Variants in RAB3C observed in about 807,000 individuals in gnomAD.
RAB3C encodes ras-related protein Rab-3C.
In RAB3C, 17 loss-of-function variants were observed where a neutral mutation model predicts 26.4. The observed-to-expected ratio is 0.64, with a 90% CI of 0.44 to 0.97. The LOEUF is 0.97. RAB3C is among the 50% of genes least tolerant of loss of function. The pLI is 0.00. For synonymous variants in RAB3C, 91 were observed against 95.9 expected, an observed-to-expected ratio of 0.95 and a Z score of 0.30; for missense variants, 242 against 281.9, an observed-to-expected ratio of 0.86 and a Z score of 1.01.
intron 1 of RAB3C, among the ~76,000 whole-genome samples, chr5:58,591,918 G>A (rs189379876): frequency 5.7e-4 from 67 of 117,022 alleles, no homozygotes; most frequent in African/African-American, 2.1e-3. Flanking sequence ...TTTTTTTCGA[G>A]ATGGAGTTTT....
intron 2 of RAB3C, among the ~76,000 whole-genome samples, chr5:58,710,962 T>C (rs1749047268): frequency 6.6e-6 from 1 of 152,210 alleles, no homozygotes; most frequent in African/African-American, 2.4e-5. Flanking sequence ...TGCTTTAATC[T>C]TGGAACACTC....
chr5:58,673,447 TACACACACACACACAC>T (rs71604758), intron 2 of RAB3C, among the ~76,000 whole-genome samples: 30 of 146,040 alleles, frequency 2.1e-4, no homozygotes, highest in African/African-American at 5.1e-4. Context: ...GAACTAGTTA[TACACACACACACACAC>T]ACACACACAC....
intron 3 of RAB3C, among the ~76,000 whole-genome samples, chr5:58,793,068 C>T (rs1742564807): frequency 6.6e-6 from 1 of 151,834 alleles, no homozygotes. Flanking sequence ...GAGGGAGAAC[C>T]CTGTCACAAA....
intron 4 of RAB3C, among the ~76,000 whole-genome samples, chr5:58,834,322 A>G (rs933221137): frequency 1.3e-5 from 2 of 152,206 alleles, no homozygotes; most frequent in African/African-American, 4.8e-5. Context: ...CAGACCTGCA[A>G]TGTTGCCTCC....
intron 2 of RAB3C, among the ~76,000 whole-genome samples, chr5:58,673,216 A>G (rs1038102405): frequency 3.9e-5 from 6 of 152,172 alleles, no homozygotes; most frequent in Admixed American, 6.6e-5. Flanking sequence ...AACATGTTCT[A>G]TGGGTTCCCT....
chr5:58,655,545 G>A (rs1401142906), intron 2 of RAB3C, among the ~76,000 whole-genome samples: 1 of 152,162 alleles, frequency 6.6e-6, no homozygotes, highest in Non-Finnish European at 1.5e-5. Flanking sequence ...AGGTCATTAT[G>A]AAAGGTAAAG....
intron 3 of RAB3C, among the ~76,000 whole-genome samples, chr5:58,811,552 G>C (rs565234127): frequency 2.2e-4 from 33 of 152,236 alleles, no homozygotes; most frequent in Non-Finnish European, 4.1e-4. Flanking sequence ...GCCTAGGAAA[G>C]GGACAACAGT....
intron 2 of RAB3C, among the ~76,000 whole-genome samples, chr5:58,671,540 T>TA (rs111669699): frequency 6.6e-6 from 1 of 151,620 alleles, no homozygotes. Context: ...ACTGGAACCA[T>TA]AAAAAAAAAT....
intron 3 of RAB3C, among the ~76,000 whole-genome samples, chr5:58,782,128 G>C (rs114863858): frequency 6.6e-6 from 1 of 152,064 alleles, no homozygotes; most frequent in African/African-American, 2.4e-5. Flanking sequence ...AAGATGTAAG[G>C]TCAATAAAGC....
chr5:58,811,154 G>A (rs1743078536), intron 3 of RAB3C, among the ~76,000 whole-genome samples: 2 of 152,184 alleles, frequency 1.3e-5, no homozygotes. Flanking sequence ...CCCATTACAG[G>A]ATGCATTATT....
chr5:58,686,588 G>A (rs1208426370), intron 2 of RAB3C, among the ~76,000 whole-genome samples: 2 of 151,784 alleles, frequency 1.3e-5, no homozygotes, highest in Admixed American at 6.6e-5. Context: ...TGTGAGTCCT[G>A]TTGCTGTCTG....
At chr5:58,598,530 T>G (rs1746376498) in intron 1 of RAB3C, among the ~76,000 whole-genome samples, 1 of 152,086 alleles carries the variant, frequency 6.6e-6, no homozygotes, top group South Asian at 2.1e-4. Context: ...CCACTTGCTC[T>G]TAAGGATTTC....
chr5:58,734,742 T>C (rs998354430), intron 3 of RAB3C, among the ~76,000 whole-genome samples: 1 of 152,202 alleles, frequency 6.6e-6, no homozygotes, highest in African/African-American at 2.4e-5. Context: ...CTTCTCATTT[T>C]CTCAGACTGC....
Position 58,677,605 on chromosome 5 carries a change from A to G in RAB3C, c.253-48397A>G, listed in dbSNP as rs573247098. On this transcript the variant is annotated intron_variant, in intron 2 of 4. Coordinates refer to ENST00000282878, the MANE Select transcript of RAB3C (RefSeq NM_138453.4). ...GCAAAATGATTGATACCCAATAAAT[A>G]AATATAAAAATATTGACACCAATGC... 4.7e-5 allele frequency among the ~76,000 whole-genome samples: 7 copies of G among 150,182 alleles called. No individual in the cohort carries two copies. The South Asian group carries it at 1.1e-3, about 23-fold the overall frequency.
At chr5:58,827,775 C>T (rs1215384219) in intron 4 of RAB3C, among the ~76,000 whole-genome samples, 1 of 152,196 alleles carries the variant, frequency 6.6e-6, no homozygotes, top group East Asian at 1.9e-4. Context: ...GTGGCTTGTT[C>T]TCCTCATGGC....
At chr5:58,837,017 C>A (rs555362060) in intron 4 of RAB3C, among the ~76,000 whole-genome samples, 1 of 152,034 alleles carries the variant, frequency 6.6e-6, no homozygotes, top group African/African-American at 2.4e-5. Context: ...TAAGAGTTTT[C>A]TTTTCTCTGC....
At position 58,854,988 on chromosome 5, in the gene RAB3C, A is replaced by G. The variant is rs142192672; in HGVS notation, c.*3637A>G. The G allele has an allele frequency of 2.0e-3, 297 of 152,282 alleles. No homozygotes were observed. The highest frequency in any genetic ancestry group is 6.8e-3 in the African/African-American group (282 of 41,566). The allele number at this position is 152,282 out of a possible 1,614,324, so 9.4% of individuals were successfully genotyped here. ...GACGATAGACTTTCGGGTATATACAACCTTCTTCTTCTCTTTTAAAAGTTA... is the reference window on the plus strand; with the variant it reads ...GACGATAGACTTTCGGGTATATACAGCCTTCTTCTTCTCTTTTAAAAGTTA... On this transcript the variant is annotated 3_prime_UTR_variant, in exon 5 of 5. Transcript: ENST00000282878.
At chr5:58,776,204 A>T (rs1742137233) in intron 3 of RAB3C, among the ~76,000 whole-genome samples, 1 of 152,112 alleles carries the variant, frequency 6.6e-6, no homozygotes, top group Admixed American at 6.6e-5. Flanking sequence ...TTCTAAGCTT[A>T]AGGATGTCAT....
intron 3 of RAB3C, among the ~76,000 whole-genome samples, chr5:58,818,680 T>G (rs1051936573): frequency 6.6e-6 from 1 of 152,206 alleles, no homozygotes; most frequent in Non-Finnish European, 1.5e-5. Context: ...AAGGATCTTT[T>G]GCAGTGATTC....
Sources: gnomAD v4.1 joint callset for allele counts (sites outside exome capture counted in the v4.1 genomes callset) on GRCh38, gnomAD v4.1.1 for gene constraint, MANE v1.5 for transcripts, NCBI Gene and HGNC (gene_info 2026-07-23, HGNC 2026-07-21) for gene names.